The following PAK1 variants were observed in gnomAD, a reference collection of about 807,000 sequenced individuals.
PAK1 encodes the protein p21 (RAC1) activated kinase 1, also known as serine/threonine-protein kinase PAK 1.
In PAK1, 29 loss-of-function variants were observed where a neutral mutation model predicts 67.4. The observed-to-expected ratio is 0.43, with a 90% confidence interval of 0.32 to 0.59. The LOEUF (loss-of-function observed/expected upper bound fraction) is 0.59. PAK1 is among the 20% of genes least tolerant of loss of function. The probability of loss-of-function intolerance (pLI) is 0.07; values close to 1 mark genes in which losing one functional copy is unlikely to be tolerated. For missense variants in PAK1, 337 were observed against 670.7 expected, an observed-to-expected ratio of 0.50 and a Z score of 5.50; for synonymous variants, 223 against 237.4, an observed-to-expected ratio of 0.94 and a Z score of 0.56.
intron 2 of PAK1, among the ~76,000 whole-genome samples, chr11:77,383,630 C>T (rs1950118112): frequency 6.6e-6 from 1 of 152,046 alleles, no homozygotes; most frequent in Non-Finnish European, 1.5e-5. Flanking sequence ...CGGCCTGGTA[C>T]TGTGTAATAT....
intron 1 of PAK1, among the ~76,000 whole-genome samples, chr11:77,442,122 T>A (rs1356674758): frequency 6.6e-6 from 1 of 152,212 alleles, no homozygotes; most frequent in Non-Finnish European, 1.5e-5. Flanking sequence ...AATCTTAACC[T>A]GTTTATTAAA....
chr11:77,353,168 A>G (rs2136455249), intron 8 of PAK1: 1 of 191,828 alleles, frequency 5.2e-6, no homozygotes, highest in Non-Finnish European at 1.1e-5. Context: ...TAGTAGAAGG[A>G]TTTATAGTTT....
intron 6 of PAK1, chr11:77,356,118 C>T (rs1381655043): frequency 5.1e-5 from 14 of 273,956 alleles, no homozygotes; most frequent in Non-Finnish European, 8.9e-5. Flanking sequence ...TAGTTAAAGA[C>T]AATTCTATTA....
intron 1 of PAK1, among the ~76,000 whole-genome samples, chr11:77,472,586 C>T (rs1592604535): frequency 2.6e-5 from 4 of 152,142 alleles, no homozygotes; most frequent in Admixed American, 1.3e-4. Flanking sequence ...CAAGGTCACA[C>T]AAGAAGTAGA....
intron 2 of PAK1, among the ~76,000 whole-genome samples, chr11:77,382,934 T>C (rs1167483264): frequency 6.6e-6 from 1 of 151,900 alleles, no homozygotes. Context: ...GAGGCAGAGG[T>C]TGAAGTGAAC....
At position 77,322,377 on chromosome 11, in the gene PAK1, G is replaced by T. The variant is rs1468131271; in HGVS notation, c.*897C>A. On this transcript the variant is annotated 3_prime_UTR_variant, in exon 15 of 15. Transcript: ENST00000356341. The stretch of plus-strand genomic sequence containing the variant: ...AGATTTGGACCATTAGAAGATCCAA[G>T]TTAATCTTTCAGCTCCTTATCCTAG... 5.1e-6 allele frequency: 1 copy of T among 195,892 alleles called. No homozygotes were observed. The highest frequency in any genetic ancestry group is 6.1e-5 in the Admixed American group (1 of 16,418). The allele number at this position is 195,892 out of a possible 1,614,324, so 12.1% of individuals were successfully genotyped here.
At chr11:77,392,927 T>C (rs897846349) in intron 1 of PAK1, among the ~76,000 whole-genome samples, 6 of 152,228 alleles carry the variant, frequency 3.9e-5, no homozygotes, top group African/African-American at 9.6e-5. Flanking sequence ...GAAGATTAAA[T>C]AAAACTGCTA....
intron 8 of PAK1, among the ~76,000 whole-genome samples, chr11:77,351,196 A>G (rs17135578): frequency 0.033 from 5,000 of 152,280 alleles, 134 homozygotes; most frequent in African/African-American, 0.077. Context: ...CATCAGCATA[A>G]GTGCTTAATT....
At chr11:77,411,967 A>T (rs897510809) in intron 1 of PAK1, 1 of 152,348 alleles carries the variant, frequency 6.6e-6, no homozygotes, top group Non-Finnish European at 1.5e-5. Context: ...GGCGGCAGCG[A>T]AGGCGCCGCG....
chr11:77,446,838 C>T (rs917564686), intron 1 of PAK1, among the ~76,000 whole-genome samples: 26 of 149,758 alleles, frequency 1.7e-4, no homozygotes, highest in African/African-American at 5.7e-4. Context: ...GGACATCAGA[C>T]GGTAAGAGAT....
the PAK1 span, among the ~76,000 whole-genome samples, chr11:77,509,869 A>G: frequency 6.6e-6 from 1 of 152,150 alleles, no homozygotes; most frequent in Non-Finnish European, 1.5e-5. Flanking sequence ...TGCTTCCTGT[A>G]CAGCCTGCAG....
At chr11:77,325,424 G>A in intron 14 of PAK1, 1 of 1,598,716 alleles carries the variant, frequency 6.3e-7, no homozygotes, top group Non-Finnish European at 8.5e-7. Context: ...TGTTGTAAAG[G>A]ACAATATATA....
chr11:77,378,992 T>A (rs561153), intron 4 of PAK1, among the ~76,000 whole-genome samples: 1 of 152,010 alleles, frequency 6.6e-6, no homozygotes, highest in African/African-American at 2.4e-5. Context: ...CCTTCTAGCA[T>A]AAAACCTGTG....
At chr11:77,398,263 C>T (rs559990037) in intron 1 of PAK1, among the ~76,000 whole-genome samples, 2 of 152,308 alleles carry the variant, frequency 1.3e-5, no homozygotes, top group African/African-American at 4.8e-5. Flanking sequence ...TAGCCCTCCA[C>T]TACCCTTTCC....
intron 9 of PAK1, among the ~76,000 whole-genome samples, chr11:77,347,355 G>A (rs955378746): frequency 1.3e-5 from 2 of 152,022 alleles, no homozygotes; most frequent in African/African-American, 4.8e-5. Context: ...AAAACACACA[G>A]GATTAGGAGT....
At chr11:77,437,871 G>A (rs1395265380) in intron 1 of PAK1, among the ~76,000 whole-genome samples, 1 of 152,180 alleles carries the variant, frequency 6.6e-6, no homozygotes, top group Admixed American at 6.5e-5. Context: ...GAATGAGCAA[G>A]TAATCTACAA....
At chr11:77,503,299 C>T in the PAK1 span, among the ~76,000 whole-genome samples, 1 of 152,152 alleles carries the variant, frequency 6.6e-6, no homozygotes, top group African/African-American at 2.4e-5. Context: ...ACTGCCAGAA[C>T]TTCTTAGCAA....
chr11:77,429,353 T>C (rs925835266), intron 1 of PAK1, among the ~76,000 whole-genome samples: 3 of 152,118 alleles, frequency 2.0e-5, no homozygotes, highest in African/African-American at 7.2e-5. Context: ...CTAAATACAC[T>C]GAAAGTTTGG....
At chr11:77,399,883 A>AAG (rs1952422233) in intron 1 of PAK1, among the ~76,000 whole-genome samples, 2 of 149,410 alleles carry the variant, frequency 1.3e-5, no homozygotes, top group South Asian at 2.1e-4. Context: ...AAAAAAAAAA[A>AAG]AAAGAAATAA....
Sources: allele counts gnomAD v4.1 joint callset (sites outside exome capture counted in the v4.1 genomes callset), GRCh38; gene constraint gnomAD v4.1.1; transcripts MANE v1.5; gene names NCBI Gene and HGNC (gene_info 2026-07-23, HGNC 2026-07-21).